The following ANKFN1 variants were observed in gnomAD, a reference collection of about 807,000 sequenced individuals.
The protein encoded by ANKFN1 is ankyrin repeat and fibronectin type III domain containing 1, also known as ankyrin repeat and fibronectin type-III domain-containing protein 1.
Under a neutral mutation model 108.7 loss-of-function variants are expected in ANKFN1, and 74 were observed. The observed-to-expected ratio is 0.68, with a 90% CI of 0.56 to 0.83. ANKFN1 has a LOEUF of 0.83. ANKFN1 is among the 40% of genes least tolerant of loss of function. The pLI, the probability that ANKFN1 is intolerant of heterozygous loss-of-function variation, is 0.00. For synonymous variants in ANKFN1, 547 were observed against 516.2 expected (o/e 1.06, Z -0.81); for missense variants, 1,505 against 1,382.3 (o/e 1.09, Z -1.41).
chr17:56,321,461 G>GGA (rs1567911378), intron 3 of ANKFN1, among the ~76,000 whole-genome samples: 1 of 99,028 alleles, frequency 1.0e-5, no homozygotes, highest in African/African-American at 3.6e-5. Flanking sequence ...CACTCCCTAA[G>GGA]AAAAAAAAAA....
intron 6 of ANKFN1, among the ~76,000 whole-genome samples, chr17:56,362,257 C>A (rs1035223958): frequency 6.6e-6 from 1 of 151,994 alleles, no homozygotes; most frequent in Non-Finnish European, 1.5e-5. Context: ...AATATTTTAC[C>A]CATTAGTTAT....
At chr17:56,386,141 A>T (rs1598501639) in intron 8 of ANKFN1, among the ~76,000 whole-genome samples, 2 of 151,528 alleles carry the variant, frequency 1.3e-5, no homozygotes, top group Non-Finnish European at 3.0e-5. Flanking sequence ...CTATGCAGCC[A>T]TAAAAAATGA....
intron 1 of ANKFN1, among the ~76,000 whole-genome samples, chr17:56,176,513 G>A (rs1451148319): frequency 6.6e-6 from 1 of 152,146 alleles, no homozygotes; most frequent in Non-Finnish European, 1.5e-5. Context: ...GGAGTTAAGA[G>A]AACTCCATTT....
chr17:56,318,661 T>A (rs1411147993), intron 3 of ANKFN1, among the ~76,000 whole-genome samples: 2 of 152,170 alleles, frequency 1.3e-5, no homozygotes, highest in African/African-American at 4.8e-5. Context: ...ATCGGGAACA[T>A]GAAAGAGAGG....
intron 4 of ANKFN1, among the ~76,000 whole-genome samples, chr17:56,074,170 T>C (rs549642513): frequency 6.6e-5 from 10 of 152,336 alleles, no homozygotes; most frequent in African/African-American, 2.4e-4. Flanking sequence ...GCTTCCTCTC[T>C]GGATAAAATA....
At chr17:56,068,253 A>G (rs1169632738) in intron 4 of ANKFN1, among the ~76,000 whole-genome samples, 1 of 152,036 alleles carries the variant, frequency 6.6e-6, no homozygotes, top group East Asian at 1.9e-4. Context: ...TAGATGTCAC[A>G]CTCCAATGAG....
At chr17:56,320,025 C>T (rs1002344647) in intron 3 of ANKFN1, among the ~76,000 whole-genome samples, 1 of 152,124 alleles carries the variant, frequency 6.6e-6, no homozygotes, top group Non-Finnish European at 1.5e-5. Flanking sequence ...TCAGCTCAGT[C>T]CCTAAATGCA....
At chr17:56,171,486 A>T (rs1910693756) in intron 1 of ANKFN1, among the ~76,000 whole-genome samples, 1 of 152,178 alleles carries the variant, frequency 6.6e-6, no homozygotes, top group Non-Finnish European at 1.5e-5. Context: ...AGCCAAGGGC[A>T]TTCCAAGAAG....
chr17:56,158,979 C>G (rs933249754), intron 1 of ANKFN1, among the ~76,000 whole-genome samples: 2 of 135,266 alleles, frequency 1.5e-5, no homozygotes, highest in African/African-American at 2.7e-5. Flanking sequence ...AACAAGATTC[C>G]CTAGCATTCT....
At position 56,264,111 on chromosome 17, in the gene ANKFN1, C is replaced by G. The variant is rs572534119; in HGVS notation, c.53+36154C>G. On this transcript the variant is annotated intron_variant, in intron 3 of 20. Transcript: ENST00000682825. ...GTTCCTATAGGAGCTGTCCACCAATCAAGGTGACAGAAAGATGCCATGGAA... is the reference window on the plus strand; with the variant it reads ...GTTCCTATAGGAGCTGTCCACCAATGAAGGTGACAGAAAGATGCCATGGAA... Among the ~76,000 whole-genome samples, 21 of 152,292 alleles carry G rather than the reference C, an allele frequency of 1.4e-4. No individual in the cohort carries two copies. In the East Asian group the frequency reaches 3.9e-3, roughly 28 times the overall value.
intron 1 of ANKFN1, among the ~76,000 whole-genome samples, chr17:56,205,691 T>A (rs1914475994): frequency 6.6e-6 from 1 of 152,224 alleles, no homozygotes; most frequent in African/African-American, 2.4e-5. Flanking sequence ...TATTTTTCCA[T>A]GTGGTATTCA....
chr17:56,228,117 A>G (rs1916423241), intron 3 of ANKFN1, 160 bp downstream of exon 3: 1 of 593,668 alleles, frequency 1.7e-6, no homozygotes. Flanking sequence ...GTATAACATC[A>G]TGGAACATTT....
At chr17:56,115,642 T>A (rs1407299771) in intron 4 of ANKFN1, among the ~76,000 whole-genome samples, 1 of 152,140 alleles carries the variant, frequency 6.6e-6, no homozygotes, top group Non-Finnish European at 1.5e-5. Context: ...TAATGAGAGA[T>A]CATCTGAAGA....
chr17:56,452,877 G>T (rs1598633894), intron 11 of ANKFN1, among the ~76,000 whole-genome samples: 1 of 152,122 alleles, frequency 6.6e-6, no homozygotes, highest in East Asian at 1.9e-4. Flanking sequence ...TTTTACTTCT[G>T]CTGGCTGTGT....
At chr17:56,315,555 G>A (rs1472321310) in intron 3 of ANKFN1, among the ~76,000 whole-genome samples, 1 of 152,216 alleles carries the variant, frequency 6.6e-6, no homozygotes, top group African/African-American at 2.4e-5. Context: ...AGTGAAGGAA[G>A]TGAATAAGCC....
At position 56,110,769 on chromosome 17, in the gene ANKFN1, G is replaced by A. The variant is rs537758718; in HGVS notation, c.288+64444G>A. On this transcript the variant is annotated intron_variant, in intron 4 of 12. Transcript: ENST00000635860. ...CTCACCCCAACAATACCTTTTGCAG[G>A]AAAGGAAAGTTGGAAAAAGTCCTAA... Among the ~76,000 whole-genome samples, 3 of 152,320 alleles carry A rather than the reference G, an allele frequency of 2.0e-5. No homozygotes were observed. The East Asian group carries it at 5.8e-4, about 29-fold the overall frequency.
At chr17:56,268,613 AC>A (rs997814658) in intron 3 of ANKFN1, among the ~76,000 whole-genome samples, 5 of 152,192 alleles carry the variant, frequency 3.3e-5, no homozygotes, top group African/African-American at 9.6e-5. Context: ...AGATGCAAAA[AC>A]CCATACAAAA....
At chr17:56,173,256 G>T (rs973573093) in intron 1 of ANKFN1, among the ~76,000 whole-genome samples, 7 of 152,104 alleles carry the variant, frequency 4.6e-5, no homozygotes, top group African/African-American at 1.7e-4. Flanking sequence ...GCCACCTGGC[G>T]GTTGTCCACA....
intron 11 of ANKFN1, among the ~76,000 whole-genome samples, chr17:56,449,623 G>A (rs2145202699): frequency 6.6e-6 from 1 of 152,254 alleles, no homozygotes; most frequent in East Asian, 1.9e-4. Context: ...TAATAATATA[G>A]TTTACAATGC....
Sources: gnomAD v4.1 joint callset for allele counts (sites outside exome capture counted in the v4.1 genomes callset) on GRCh38, gnomAD v4.1.1 for gene constraint, MANE v1.5 for transcripts, NCBI Gene and HGNC (gene_info 2026-07-23, HGNC 2026-07-21) for gene names.